The following SLC7A9 variants were observed in gnomAD, a reference collection of about 807,000 sequenced individuals.
SLC7A9 encodes the protein B(0,+)-type amino acid transporter 1.
In SLC7A9, 38 loss-of-function variants were observed where a neutral mutation model predicts 54.1. That is an observed-to-expected ratio of 0.70 (90% CI 0.54 to 0.92). The LOEUF (loss-of-function observed/expected upper bound fraction) is 0.92. SLC7A9 is among the 40% of genes least tolerant of loss of function. The pLI is 0.00. For missense variants in SLC7A9, 537 were observed against 636.1 expected (o/e 0.84, Z 1.68); for synonymous variants, 264 against 258.9 (o/e 1.02, Z -0.19).
intron 12 of SLC7A9, among the ~76,000 whole-genome samples, chr19:32,831,808 TTG>T (rs1967804152): frequency 9.9e-5 from 15 of 152,212 alleles, no homozygotes; most frequent in Admixed American, 9.8e-4. Flanking sequence ...CCATGACTTT[TTG>T]TGTGTCTTTG....
rs764347252 is a variant in SLC7A9, at chr19:32,862,417, C to T, written c.604+44G>A. ...GCTGCTCCTGCTCCCAGTGGAAGGG[C>T]GTTTGGTGTGTGCCCGTGCAGGGCC... On this transcript the variant is annotated intron_variant, in intron 5 of 12. Transcript: ENST00000023064. 25 of 1,610,850 alleles carry T rather than the reference C, an allele frequency of 1.6e-5. No homozygotes were observed. In the African/African-American group the frequency reaches 2.9e-4, roughly 19 times the overall value.
Position 32,857,422 on chromosome 19 carries a change from C to T in SLC7A9, c.977+1018G>A, listed in dbSNP as rs147853097. Among the ~76,000 whole-genome samples the T allele has an allele frequency of 7.9e-3, 1,197 of 151,788 alleles. 16 individuals are homozygous for T. Among genetic ancestry groups the T allele is most frequent in the African/African-American group, 0.027 (1,130 of 41,396 alleles). On this transcript the variant is annotated intron_variant, in intron 9 of 12. Coordinates refer to ENST00000023064, the MANE Select transcript of SLC7A9 (RefSeq NM_014270.5). ...TCATGCCAGTGTGCTCCAGCCTGGG[C>T]GACAGAGTGAGACCTTGCCTCAAAA... is the stretch of plus-strand genomic sequence containing the variant.
chr19:32,868,243 AAAAAAAAG>A (rs1969034658), intron 2 of SLC7A9, among the ~76,000 whole-genome samples, 197 bp downstream of exon 2: 2 of 151,824 alleles, frequency 1.3e-5, no homozygotes, highest in Admixed American at 6.6e-5. Flanking sequence ...AAAAAAAAAA[AAAAAAAAG>A]AAGATGCAGA....
At position 32,862,543 on chromosome 19, in the gene SLC7A9, G is replaced by A. The variant is rs142766345; in HGVS notation, c.522C>T (p.Ser174=). Residue 174 remains serine (S), a synonymous_variant, in exon 5 of 13, where the codon AGC becomes AGT. Transcript: ENST00000023064. ...TVNSLSVRLG[S]YVQNIFTAAK... The stretch of plus-strand genomic sequence containing the variant: ...CCGCGGTGAAGATGTTCTGGACGTA[G>A]CTTCCCAGCCGCACGCTCAGTGAGT... The A allele has an allele frequency of 4.8e-4, 777 of 1,613,956 alleles. 1 individual carries two copies. In the African/African-American group the frequency reaches 9.4e-3, roughly 19 times the overall value.
chr19:32,860,751 G>A, intron 6 of SLC7A9, 101 bp from the exon 7 acceptor site: 1 of 1,499,528 alleles, frequency 6.7e-7, no homozygotes, highest in Non-Finnish European at 9.1e-7. Context: ...TTCTCTACCA[G>A]AGAAAAAAAT....
intron 11 of SLC7A9, 83 bp downstream of exon 11, chr19:32,842,085 G>T: frequency 7.5e-7 from 1 of 1,327,116 alleles, no homozygotes; most frequent in Admixed American, 1.7e-5. Context: ...GAACTAGAAG[G>T]CATGCCCCTA....
intron 9 of SLC7A9, among the ~76,000 whole-genome samples, chr19:32,847,500 G>T (rs577124819): frequency 6.6e-6 from 1 of 152,164 alleles, no homozygotes; most frequent in Admixed American, 6.6e-5. Flanking sequence ...AGAATAAAAA[G>T]AAATGAACAA....
chr19:32,863,454 G>A (rs1968866441), intron 4 of SLC7A9, among the ~76,000 whole-genome samples: 2 of 152,122 alleles, frequency 1.3e-5, no homozygotes, highest in African/African-American at 4.8e-5. Flanking sequence ...TAGGGTCCAA[G>A]GCTCAAGTGA....
intron 1 of SLC7A9, 42 bp from the exon 2 acceptor site, chr19:32,868,687 G>A (rs1171339065): frequency 1.7e-5 from 12 of 703,456 alleles, no homozygotes; most frequent in South Asian, 5.9e-5. Flanking sequence ...GGTGGGGGCC[G>A]CTGCCAGTCC....
At chr19:32,838,654 TATATA>T (rs1361899097) in intron 11 of SLC7A9, among the ~76,000 whole-genome samples, 1 of 148,282 alleles carries the variant, frequency 6.7e-6, no homozygotes, top group East Asian at 1.9e-4. Flanking sequence ...CTTATATCCT[TATATA>T]ATACCCTTAG....
chr19:32,862,049 CA>C, intron 6 of SLC7A9, 68 bp downstream of exon 6: 1 of 947,062 alleles, frequency 1.1e-6, no homozygotes. Context: ...TTTTCCATGA[CA>C]GGTGGAGTTA....
chr19:32,860,786 T>A, intron 6 of SLC7A9, 136 bp from the exon 7 acceptor site: 2 of 1,270,734 alleles, frequency 1.6e-6, no homozygotes, highest in South Asian at 2.6e-5. Flanking sequence ...TCCAGGTGAA[T>A]TTTTTTCCAG....
At position 32,862,063 on chromosome 19, in the gene SLC7A9, G is replaced by A. The variant is rs150495581; in HGVS notation, c.704+55C>T. The A allele has an allele frequency of 5.2e-4, 597 of 1,144,026 alleles. 1 individual carries two copies. Among genetic ancestry groups the A allele is most frequent in the Non-Finnish European group, 6.8e-4 (512 of 752,120 alleles). The allele number at this position is 1,144,026 out of a possible 1,614,324, so 70.9% of individuals were successfully genotyped here. ...GTTTTCCATGACAGGTGGAGTTAAA[G>A]TCACCTGGAGAACCCCACCCACCCC... On this transcript the variant is annotated intron_variant, in intron 6 of 12. Transcript: ENST00000023064.
In SLC7A9 at chr19:32,835,514, ATG is replaced by A. The variant is rs549883420; in HGVS notation, c.1225-2193_1225-2192del. Among the ~76,000 whole-genome samples the A allele has an allele frequency of 3.8e-3, 584 of 152,360 alleles. 1 individual carries two copies. The highest frequency in any genetic ancestry group is 6.8e-3 in the Middle Eastern group (2 of 294). On this transcript the variant is annotated intron_variant, in intron 11 of 12. Transcript: ENST00000023064. The stretch of plus-strand genomic sequence containing the variant: ...AAGAAATGAACAATTTTCTAGGAAA[ATG>A]TAATTTACTAAAACTGATCTTAGTT...
chr19:32,853,806 A>C (rs1568523839), intron 9 of SLC7A9, among the ~76,000 whole-genome samples: 2 of 151,714 alleles, frequency 1.3e-5, no homozygotes, highest in Non-Finnish European at 2.9e-5. Context: ...AATCCCAGCT[A>C]CTTGGGAGGC....
chr19:32,859,457 T>G (rs1240549413), intron 8 of SLC7A9, among the ~76,000 whole-genome samples: 3 of 152,152 alleles, frequency 2.0e-5, no homozygotes, highest in African/African-American at 7.2e-5. Context: ...TGTTTGCAAC[T>G]GCAGGAGGCC....
chr19:32,868,572 C>T lies in SLC7A9; in HGVS notation c.-38G>A, dbSNP rs748469740. 8 of 1,551,680 alleles carry T rather than the reference C, an allele frequency of 5.2e-6. No individual in the cohort carries two copies. The highest frequency in any genetic ancestry group is 2.2e-5 in the East Asian group (1 of 44,528). ...TGGTTCCAGGAGACTGCAAGGAGGGCGCACAGCTAAATCTTGGTTCAGCAG... is the reference window on the plus strand; with the variant it reads ...TGGTTCCAGGAGACTGCAAGGAGGGTGCACAGCTAAATCTTGGTTCAGCAG... On this transcript the variant is annotated 5_prime_UTR_variant, in exon 2 of 13. Transcript: ENST00000023064.
At position 32,849,094 on chromosome 19, in the gene SLC7A9, A is replaced by C. The variant is rs559212926; in HGVS notation, c.978-5143T>G. ...ACAAGAGAAAGCAGGAAAGATCCAAAATTGACAACCTAACATCACAATTAA... is the reference window on the plus strand; with the variant it reads ...ACAAGAGAAAGCAGGAAAGATCCAACATTGACAACCTAACATCACAATTAA... On this transcript the variant is annotated intron_variant, in intron 9 of 12. Transcript: ENST00000023064. Among the ~76,000 whole-genome samples, 73 of 152,314 alleles carry C rather than the reference A, an allele frequency of 4.8e-4. No individual in the cohort carries two copies. In the East Asian group the frequency reaches 0.014, roughly 29 times the overall value.
chr19:32,852,831 ATGCTAAACAGACAAGGAGAAGTCT>A lies in SLC7A9; in HGVS notation c.977+5585_977+5608del, dbSNP rs1408904020. Reference sequence around the variant, plus strand: ...CAAAATAATTCTAAGTGTATAGGGAATGCTAAACAGACAAGGAGAAGTCTGACGTGGGAGCGTTAGTCCTGCCAG... The same window carrying A: ...CAAAATAATTCTAAGTGTATAGGGAAGACGTGGGAGCGTTAGTCCTGCCAG... On this transcript the variant is annotated intron_variant, in intron 9 of 12. Coordinates refer to ENST00000023064, the MANE Select transcript of SLC7A9 (RefSeq NM_014270.5). 2.6e-5 allele frequency among the ~76,000 whole-genome samples: 4 copies of A among 152,038 alleles called. 1 individual carries two copies. Among genetic ancestry groups the A allele is most frequent in the African/African-American group, 9.7e-5 (4 of 41,436 alleles).
Sources: gnomAD v4.1 joint callset for allele counts (sites outside exome capture counted in the v4.1 genomes callset) on GRCh38, gnomAD v4.1.1 for gene constraint, MANE v1.5 for transcripts, NCBI Gene and HGNC (gene_info 2026-07-23, HGNC 2026-07-21) for gene names.